Variants in STAC observed in about 807,000 individuals in gnomAD.
The protein encoded by STAC is SH3 and cysteine rich domain.
STAC carries 43 observed loss-of-function variants against 48.8 expected under a neutral mutation model. The ratio of observed to expected loss-of-function variants is 0.88; its 90% confidence interval spans 0.69 to 1.14. STAC has a LOEUF of 1.14. Among genes scored for constraint, STAC ranks in the 50% most tolerant of loss-of-function variants. The pLI is 0.00. For missense variants in STAC, 497 were observed against 504.0 expected, an observed-to-expected ratio of 0.99 and a Z score of 0.13; for synonymous variants, 193 against 179.5, an observed-to-expected ratio of 1.07 and a Z score of -0.60.
At chr3:36,450,080 T>C (rs1696635794) in intron 2 of STAC, among the ~76,000 whole-genome samples, 2 of 152,230 alleles carry the variant, frequency 1.3e-5, no homozygotes, top group South Asian at 2.1e-4. Flanking sequence ...TGCAGTTCTA[T>C]GGTGATCACT....
chr3:36,410,532 G>T (rs1202236401), intron 1 of STAC, among the ~76,000 whole-genome samples: 1 of 152,122 alleles, frequency 6.6e-6, no homozygotes. Context: ...AGCTCCCCAG[G>T]GCCCACTGCC....
At chr3:36,542,781 C>T (rs1323883280) in intron 10 of STAC, among the ~76,000 whole-genome samples, 3 of 152,222 alleles carry the variant, frequency 2.0e-5, no homozygotes, top group Admixed American at 6.5e-5. Context: ...GCACTCACCA[C>T]ATTGTTGATT....
At chr3:36,498,893 GA>G (rs1287120984) in intron 6 of STAC, among the ~76,000 whole-genome samples, 3 of 152,094 alleles carry the variant, frequency 2.0e-5, no homozygotes, top group African/African-American at 7.2e-5. Flanking sequence ...TGAAACTGCA[GA>G]ATTTCAAAGA....
At chr3:36,446,674 A>G (rs1483679459) in intron 2 of STAC, among the ~76,000 whole-genome samples, 2 of 152,184 alleles carry the variant, frequency 1.3e-5, no homozygotes, top group Non-Finnish European at 2.9e-5. Context: ...AACTAACTCA[A>G]TGCATGAGTC....
At position 36,543,906 on chromosome 3, in the gene STAC, T is replaced by C. The variant is rs542505027; in HGVS notation, c.1111-2285T>C. 2.4e-3 allele frequency among the ~76,000 whole-genome samples: 365 copies of C among 152,336 alleles called. 1 individual carries two copies. The highest frequency in any genetic ancestry group is 8.0e-3 in the African/African-American group (334 of 41,580). ...GTCAATAAATTGTTTTCAAGTTTGATTTTTTAATTTAAATATTTAAATTCA... is the reference window on the plus strand; with the variant it reads ...GTCAATAAATTGTTTTCAAGTTTGACTTTTTAATTTAAATATTTAAATTCA... On this transcript the variant is annotated intron_variant, in intron 10 of 10. Coordinates refer to ENST00000273183, the MANE Select transcript of STAC (RefSeq NM_003149.3).
intron 2 of STAC, among the ~76,000 whole-genome samples, chr3:36,447,994 C>T (rs1289231151): frequency 6.6e-6 from 1 of 152,062 alleles, no homozygotes; most frequent in Non-Finnish European, 1.5e-5. Context: ...CAGTAGTTTG[C>T]CCAGTGCAAT....
At chr3:36,448,905 C>CT (rs904498474) in intron 2 of STAC, among the ~76,000 whole-genome samples, 1 of 19,598 alleles carries the variant, frequency 5.1e-5, no homozygotes, top group South Asian at 9.0e-4. Flanking sequence ...CAGTGAACCC[C>CT]CCCCCCCACT....
chr3:36,479,347 A>G (rs6788598), intron 2 of STAC, among the ~76,000 whole-genome samples: 5,112 of 152,068 alleles, frequency 0.034, 110 homozygotes, highest in Middle Eastern at 0.071. Flanking sequence ...CAATCTTCCT[A>G]TCATCTATTA....
intron 1 of STAC, 63 bp downstream of exon 1, chr3:36,380,817 T>C (rs896241465): frequency 7.5e-7 from 1 of 1,324,886 alleles, no homozygotes; most frequent in Non-Finnish European, 1.1e-6. Flanking sequence ...CGGTCCAGCT[T>C]TGTCTCTCCT....
intron 2 of STAC, among the ~76,000 whole-genome samples, chr3:36,472,365 T>C (rs1296507819): frequency 6.6e-6 from 1 of 152,262 alleles, no homozygotes; most frequent in Non-Finnish European, 1.5e-5. Flanking sequence ...ACCTCTGATA[T>C]GCCCTGGAGA....
chr3:36,456,083 A>ACT (rs1459122949), intron 2 of STAC, among the ~76,000 whole-genome samples: 1 of 149,952 alleles, frequency 6.7e-6, no homozygotes, highest in Non-Finnish European at 1.5e-5. Context: ...ACACACACAC[A>ACT]CTCCTGCCTC....
chr3:36,505,901 G>C, intron 8 of STAC, 67 bp downstream of exon 8: 1 of 1,134,546 alleles, frequency 8.8e-7, no homozygotes, highest in Non-Finnish European at 1.3e-6. Context: ...ATGTGAAAAA[G>C]TAAGTCCATC....
chr3:36,530,583 T>TG (rs1207572830), intron 10 of STAC, among the ~76,000 whole-genome samples: 2 of 147,670 alleles, frequency 1.4e-5, no homozygotes, highest in East Asian at 4.0e-4. Flanking sequence ...ACCTTTTCTT[T>TG]TTTTTTTTTC....
intron 8 of STAC, among the ~76,000 whole-genome samples, chr3:36,518,280 G>C (rs1027585791): frequency 6.6e-6 from 1 of 152,128 alleles, no homozygotes; most frequent in Non-Finnish European, 1.5e-5. Flanking sequence ...AGATTTAAAG[G>C]TTTAAATGCA....
At chr3:36,481,256 TC>T (rs1216918761) in intron 2 of STAC, among the ~76,000 whole-genome samples, 1 of 152,094 alleles carries the variant, frequency 6.6e-6, no homozygotes. Flanking sequence ...AAAGGTGGGC[TC>T]CCAAAGCCTG....
At chr3:36,431,266 T>C (rs895095532) in intron 1 of STAC, among the ~76,000 whole-genome samples, 2 of 152,088 alleles carry the variant, frequency 1.3e-5, no homozygotes, top group African/African-American at 2.4e-5. Flanking sequence ...CCCAGCACTC[T>C]CTTTGTTCTC....
chr3:36,431,130 T>C (rs1345885425), intron 1 of STAC, among the ~76,000 whole-genome samples: 1 of 152,238 alleles, frequency 6.6e-6, no homozygotes, highest in Non-Finnish European at 1.5e-5. Context: ...AACTACTTGA[T>C]GTATCAATCA....
rs534046671 is a variant in STAC, at chr3:36,546,435, G to A, written c.*146G>A. 294 of 681,822 alleles carry A rather than the reference G, an allele frequency of 4.3e-4. 5 individuals carry two copies. The highest frequency in any genetic ancestry group is 4.0e-3 in the South Asian group (217 of 54,434). The allele number at this position is 681,822 out of a possible 1,614,324, so 42.2% of individuals were successfully genotyped here. A position where few individuals can be genotyped will look rare whatever the true frequency, so the allele number is the denominator to read the frequency against. Reference sequence around the variant, plus strand: ...CAAGAATCAAGTATCTGAGACTGTGGAGTAATAGCCACAAAACAGAGGGCC... The same window carrying A: ...CAAGAATCAAGTATCTGAGACTGTGAAGTAATAGCCACAAAACAGAGGGCC... On this transcript the variant is annotated 3_prime_UTR_variant, in exon 11 of 11. Coordinates refer to ENST00000273183, the MANE Select transcript of STAC (RefSeq NM_003149.3).
intron 2 of STAC, among the ~76,000 whole-genome samples, chr3:36,444,117 GGT>G (rs1696438690): frequency 6.6e-6 from 1 of 152,158 alleles, no homozygotes; most frequent in Admixed American, 6.5e-5. Context: ...TCAGTTAAGG[GGT>G]AGGATATTCA....
Sources: allele counts gnomAD v4.1 joint callset (sites outside exome capture counted in the v4.1 genomes callset), GRCh38; gene constraint gnomAD v4.1.1; transcripts MANE v1.5; gene names NCBI Gene and HGNC (gene_info 2026-07-23, HGNC 2026-07-21).